Variants in CTNNA2 observed in about 807,000 individuals in gnomAD.
The protein encoded by CTNNA2 is catenin alpha-2.
A neutral mutation model predicts 101.0 loss-of-function variants in CTNNA2; 42 were observed. The ratio of observed to expected loss-of-function variants is 0.42; its 90% CI spans 0.32 to 0.54. The LOEUF (loss-of-function observed/expected upper bound fraction) is 0.54, where lower values mean the gene tolerates loss of function less well. Among genes scored for constraint, CTNNA2 ranks in the 20% least tolerant of loss-of-function variants. The pLI, the probability that CTNNA2 is intolerant of heterozygous loss-of-function variation, is 0.14. For synonymous variants in CTNNA2, 450 were observed against 456.4 expected, an observed-to-expected ratio of 0.99 and a Z score of 0.18; for missense variants, 871 against 1,223.1, an observed-to-expected ratio of 0.71 and a Z score of 4.29.
intron 15 of CTNNA2, chr2:80,601,603 T>G (rs1697544944): frequency 6.6e-6 from 1 of 151,694 alleles, no homozygotes; most frequent in African/African-American, 2.4e-5. Context: ...TTGTGATACA[T>G]TTTTTTGTTT....
intron 1 of CTNNA2, among the ~76,000 whole-genome samples, chr2:79,590,770 T>A (rs957308909): frequency 2.6e-5 from 4 of 152,168 alleles, no homozygotes; most frequent in Non-Finnish European, 5.9e-5. Context: ...ATACCAGTAG[T>A]TTGCTTTTCC....
chr2:79,753,734 A>C (rs1001306763), intron 3 of CTNNA2, among the ~76,000 whole-genome samples: 1 of 152,176 alleles, frequency 6.6e-6, no homozygotes, highest in Non-Finnish European at 1.5e-5. Context: ...TCTTCATGGG[A>C]CCATTTCCTA....
chr2:79,458,730 A>G (rs1240476326), intron 4 of CTNNA2, among the ~76,000 whole-genome samples: 1 of 152,168 alleles, frequency 6.6e-6, no homozygotes, highest in Non-Finnish European at 1.5e-5. Flanking sequence ...TTTTGGTTAT[A>G]ACCTTACCCA....
At chr2:79,693,852 A>G (rs1684481683) in intron 2 of CTNNA2, among the ~76,000 whole-genome samples, 1 of 152,014 alleles carries the variant, frequency 6.6e-6, no homozygotes, top group South Asian at 2.1e-4. Context: ...AGGATTGAGG[A>G]AAAGCTGTGA....
chr2:80,228,127 G>T (rs1048714289), intron 7 of CTNNA2, among the ~76,000 whole-genome samples: 1 of 152,192 alleles, frequency 6.6e-6, no homozygotes, highest in East Asian at 1.9e-4. Context: ...GTCAGGATCT[G>T]TGTTCAGCAA....
At chr2:79,948,384 G>T (rs1434105) in intron 7 of CTNNA2, among the ~76,000 whole-genome samples, 31,139 of 152,150 alleles carry the variant, frequency 0.2, 3,652 homozygotes, top group Non-Finnish European at 0.27. Context: ...TATGATGGCA[G>T]TATAAACTAA....
chr2:79,433,794 A>G (rs938661279), intron 4 of CTNNA2, among the ~76,000 whole-genome samples: 10 of 152,200 alleles, frequency 6.6e-5, no homozygotes, highest in Non-Finnish European at 1.5e-5. Flanking sequence ...GTGAAACCAA[A>G]AAGTCATGTC....
chr2:79,394,786 A>AT (rs201055920), intron 4 of CTNNA2, among the ~76,000 whole-genome samples: 38,687 of 109,358 alleles, frequency 0.35, 5,122 homozygotes, highest in Middle Eastern at 0.49. Context: ...TACTTAAAAA[A>AT]ATTTTTTTTG....
intron 1 of CTNNA2, chr2:79,523,458 A>G (rs1573238619): frequency 4.9e-6 from 1 of 202,684 alleles, no homozygotes; most frequent in East Asian, 1.3e-4. Flanking sequence ...ACTCTTGCCT[A>G]TTACTTGATA....
chr2:79,808,939 G>T (rs1676792128), intron 3 of CTNNA2, among the ~76,000 whole-genome samples: 1 of 151,734 alleles, frequency 6.6e-6, no homozygotes, highest in Non-Finnish European at 1.5e-5. Flanking sequence ...TCCCTCCTCT[G>T]GTCCCCCATC....
At chr2:80,175,674 A>T (rs1558875513) in intron 7 of CTNNA2, among the ~76,000 whole-genome samples, 3 of 152,164 alleles carry the variant, frequency 2.0e-5, no homozygotes, top group South Asian at 4.1e-4. Flanking sequence ...AGGAGTACTG[A>T]CTCACATGAT....
intron 4 of CTNNA2, among the ~76,000 whole-genome samples, chr2:79,416,998 C>T (rs896169630): frequency 6.6e-6 from 1 of 152,086 alleles, no homozygotes; most frequent in Non-Finnish European, 1.5e-5. Flanking sequence ...CATGATGCCA[C>T]AGGTATGGAA....
At chr2:79,606,272 G>A (rs1677883149) in intron 1 of CTNNA2, among the ~76,000 whole-genome samples, 1 of 151,928 alleles carries the variant, frequency 6.6e-6, no homozygotes, top group African/African-American at 2.4e-5. Context: ...GTGTTTTTTT[G>A]TTTGTTTATT....
At chr2:79,933,613 C>T (rs1347188767) in intron 7 of CTNNA2, among the ~76,000 whole-genome samples, 6 of 152,078 alleles carry the variant, frequency 3.9e-5, no homozygotes, top group African/African-American at 1.4e-4. Flanking sequence ...TGCCACCACA[C>T]CTGACTAATT....
intron 5 of CTNNA2, 104 bp from the exon 6 acceptor site, chr2:79,873,972 C>T: frequency 6.7e-7 from 1 of 1,494,746 alleles, no homozygotes; most frequent in South Asian, 1.3e-5. Flanking sequence ...ACAAGGGTTT[C>T]TGAAGTTCAG....
intron 9 of CTNNA2, among the ~76,000 whole-genome samples, chr2:80,443,675 A>T (rs1682806921): frequency 6.6e-6 from 1 of 152,224 alleles, no homozygotes; most frequent in South Asian, 2.1e-4. Context: ...AGAGAATCCT[A>T]TACCTCTCAT....
chr2:80,634,102 A>G (rs1340528728), intron 18 of CTNNA2, among the ~76,000 whole-genome samples: 10 of 152,290 alleles, frequency 6.6e-5, no homozygotes, highest in Middle Eastern at 3.4e-3. Context: ...TAAAATTACA[A>G]TGCTTCAACA....
At chr2:79,965,496 A>G (rs116603385) in intron 7 of CTNNA2, among the ~76,000 whole-genome samples, 4,240 of 152,262 alleles carry the variant, frequency 0.028, 91 homozygotes, top group Non-Finnish European at 0.043. Context: ...CTATTGGAAG[A>G]ATCAATTATG....
chr2:80,307,510 T>TC (rs1297374698), intron 7 of CTNNA2, among the ~76,000 whole-genome samples: 1 of 152,204 alleles, frequency 6.6e-6, no homozygotes, highest in East Asian at 1.9e-4. Flanking sequence ...AAGTTTTTTT[T>TC]CTTTCCTCCT....
Sources: gnomAD v4.1 joint callset for allele counts (sites outside exome capture counted in the v4.1 genomes callset) on GRCh38, gnomAD v4.1.1 for gene constraint, MANE v1.5 for transcripts, NCBI Gene and HGNC (gene_info 2026-07-23, HGNC 2026-07-21) for gene names.